PSD3: variants seen among roughly 807,000 people sequenced by gnomAD.
PSD3 encodes the protein pleckstrin and Sec7 domain containing 3, also known as PH and SEC7 domain-containing protein 3.
Under a neutral mutation model 105.5 loss-of-function variants are expected in PSD3, and 49 were observed. That is an observed-to-expected ratio of 0.46 (90% CI 0.37 to 0.59). The LOEUF is 0.59. Ranked by LOEUF, PSD3 falls within the 20% of genes least tolerant of loss-of-function variation. PSD3 has a pLI of 0.00. For synonymous variants in PSD3, 557 were observed against 457.8 expected, an observed-to-expected ratio of 1.22 and a Z score of -2.77; for missense variants, 1,561 against 1,263.8, an observed-to-expected ratio of 1.24 and a Z score of -3.57.
intron 11 of PSD3, 66 bp downstream of exon 11, chr8:18,632,547 T>G: frequency 6.7e-7 from 1 of 1,496,470 alleles, no homozygotes; most frequent in Non-Finnish European, 9.1e-7. Flanking sequence ...TCAGATAAAT[T>G]CCCTTTAAAT....
chr8:18,653,464 T>C (rs1248352011), intron 10 of PSD3, among the ~76,000 whole-genome samples: 1 of 152,142 alleles, frequency 6.6e-6, no homozygotes, highest in Non-Finnish European at 1.5e-5. Context: ...AACATTTCAG[T>C]GTCATCCTGA....
chr8:18,770,418 G>T (rs536697193), intron 8 of PSD3, among the ~76,000 whole-genome samples: 1 of 151,604 alleles, frequency 6.6e-6, no homozygotes, highest in African/African-American at 2.4e-5. Flanking sequence ...CCATTCTGTG[G>T]GTCTTTTCAT....
chr8:19,058,187 C>T (rs888444102), intron 1 of PSD3, among the ~76,000 whole-genome samples: 3 of 152,090 alleles, frequency 2.0e-5, no homozygotes, highest in African/African-American at 7.2e-5. Context: ...AAACAAGTCT[C>T]AGTGGGTTAC....
chr8:18,536,048 G>A, intron 15 of PSD3, 90 bp from the exon 16 acceptor site: 1 of 1,251,938 alleles, frequency 8.0e-7, no homozygotes, highest in Admixed American at 1.9e-5. Flanking sequence ...CCTGGAGAGT[G>A]TGAATGGCTG....
At chr8:19,010,425 T>C (rs1197946731) in intron 1 of PSD3, among the ~76,000 whole-genome samples, 1 of 152,228 alleles carries the variant, frequency 6.6e-6, no homozygotes, top group Non-Finnish European at 1.5e-5. Flanking sequence ...ATAAATAAGA[T>C]AGCACACGCA....
At chr8:18,716,692 T>C (rs1351728529) in intron 9 of PSD3, among the ~76,000 whole-genome samples, 2 of 152,194 alleles carry the variant, frequency 1.3e-5, no homozygotes, top group African/African-American at 4.8e-5. Flanking sequence ...GAATAACATG[T>C]TCTGAATAAC....
intron 4 of PSD3, among the ~76,000 whole-genome samples, chr8:18,832,175 C>T (rs1439485299): frequency 6.6e-6 from 1 of 152,080 alleles, no homozygotes; most frequent in Non-Finnish European, 1.5e-5. Flanking sequence ...AGCCAGCCTG[C>T]CATTTTAGAT....
intron 15 of PSD3, among the ~76,000 whole-genome samples, chr8:18,543,442 G>A (rs555042095): frequency 3.8e-4 from 58 of 152,054 alleles, no homozygotes; most frequent in African/African-American, 1.3e-3. Context: ...GTGAAACCCC[G>A]TCTCTACTAA....
chr8:18,792,277 G>T (rs936118923), intron 8 of PSD3, among the ~76,000 whole-genome samples: 1 of 152,144 alleles, frequency 6.6e-6, no homozygotes, highest in Non-Finnish European at 1.5e-5. Context: ...TATGTTAATT[G>T]CAGCACTATT....
chr8:18,782,500 T>C (rs1452008473), intron 8 of PSD3, among the ~76,000 whole-genome samples: 5 of 152,164 alleles, frequency 3.3e-5, no homozygotes, highest in Admixed American at 6.5e-5. Flanking sequence ...GTAACGGCTG[T>C]AGTGAGGCTT....
At chr8:18,567,208 G>T (rs1444375201) in intron 14 of PSD3, among the ~76,000 whole-genome samples, 1 of 151,702 alleles carries the variant, frequency 6.6e-6, no homozygotes, top group Non-Finnish European at 1.5e-5. Context: ...CCAAACTACT[G>T]AAAAAGAACA....
intron 9 of PSD3, among the ~76,000 whole-genome samples, chr8:18,752,376 G>C (rs1347261135): frequency 6.9e-6 from 1 of 144,286 alleles, no homozygotes; most frequent in African/African-American, 2.6e-5. Context: ...AGGGTCTCTT[G>C]TCCTTAAGAA....
chr8:19,081,670 C>A (rs1321598236), intron 1 of PSD3, among the ~76,000 whole-genome samples: 1 of 152,214 alleles, frequency 6.6e-6, no homozygotes, highest in Admixed American at 6.5e-5. Context: ...TAAGAACCAA[C>A]CAATGAAGAT....
intron 2 of PSD3, among the ~76,000 whole-genome samples, chr8:18,922,752 G>A (rs749786571): frequency 5.9e-5 from 9 of 152,076 alleles, no homozygotes; most frequent in South Asian, 2.1e-4. Context: ...CCTTGGGTTC[G>A]ATTAATCTGC....
chr8:18,891,560 A>C (rs181562902), intron 2 of PSD3, among the ~76,000 whole-genome samples: 3 of 152,278 alleles, frequency 2.0e-5, no homozygotes, highest in Admixed American at 6.5e-5. Context: ...CACTTACTGC[A>C]TGTATGACCT....
chr8:18,975,011 G>C (rs1366957003), intron 1 of PSD3, among the ~76,000 whole-genome samples: 1 of 152,196 alleles, frequency 6.6e-6, no homozygotes, highest in Non-Finnish European at 1.5e-5. Context: ...CTAAGTACCA[G>C]AGTATGAAAA....
chr8:18,968,401 T>C (rs1366721063), intron 1 of PSD3, among the ~76,000 whole-genome samples: 2 of 152,242 alleles, frequency 1.3e-5, no homozygotes. Context: ...ATGGTCACCT[T>C]AGAAAACCAC....
chr8:18,789,905 T>C (rs866142128), intron 8 of PSD3, among the ~76,000 whole-genome samples: 1 of 152,178 alleles, frequency 6.6e-6, no homozygotes, highest in Non-Finnish European at 1.5e-5. Context: ...ACTGTGCCAA[T>C]GTAAAAAGCT....
chr8:18,781,826 A>T (rs1808663526), intron 8 of PSD3, among the ~76,000 whole-genome samples: 1 of 152,182 alleles, frequency 6.6e-6, no homozygotes, highest in Non-Finnish European at 1.5e-5. Flanking sequence ...TCTTCCAGGA[A>T]AACTGAAAAT....
Sources: allele counts gnomAD v4.1 joint callset (sites outside exome capture counted in the v4.1 genomes callset), GRCh38; gene constraint gnomAD v4.1.1; transcripts MANE v1.5; gene names NCBI Gene and HGNC (gene_info 2026-07-23, HGNC 2026-07-21).